Variants in SLC35F4 observed in about 807,000 individuals in gnomAD.
SLC35F4 encodes solute carrier family 35 member F4, also known as chromosome 14 open reading frame 36.
A neutral mutation model predicts 44.2 loss-of-function variants in SLC35F4; 24 were observed. The ratio of observed to expected loss-of-function variants is 0.54; its 90% CI spans 0.39 to 0.76. SLC35F4 has a LOEUF of 0.76. Among genes scored for constraint, SLC35F4 ranks in the 30% least tolerant of loss-of-function variants. The pLI is 0.00. For missense variants in SLC35F4, 562 were observed against 586.1 expected (o/e 0.96, Z 0.42); for synonymous variants, 238 against 223.6 (o/e 1.06, Z -0.57).
chr14:57,785,777 G>A (rs941818599), intron 1 of SLC35F4, among the ~76,000 whole-genome samples: 3 of 152,184 alleles, frequency 2.0e-5, no homozygotes, highest in East Asian at 3.9e-4. Flanking sequence ...AGCTTTCTGG[G>A]TCCCCTGGCA....
At chr14:57,958,535 A>G (rs1890284288) in intron 1 of SLC35F4, among the ~76,000 whole-genome samples, 1 of 149,482 alleles carries the variant, frequency 6.7e-6, no homozygotes, top group Non-Finnish European at 1.5e-5. Flanking sequence ...GTGGATACAG[A>G]GTTTCTTTCT....
chr14:57,837,609 A>G (rs1053206922), intron 1 of SLC35F4: 2 of 152,062 alleles, frequency 1.3e-5, no homozygotes, highest in African/African-American at 2.4e-5. Flanking sequence ...GCTGAATAGA[A>G]CCTTGCTATC....
chr14:57,861,748 T>G (rs1887698710), intron 1 of SLC35F4, among the ~76,000 whole-genome samples: 1 of 152,222 alleles, frequency 6.6e-6, no homozygotes. Flanking sequence ...CTTTATTTAC[T>G]GGCTTCCAGG....
chr14:57,914,715 A>T (rs1889283231), intron 1 of SLC35F4, among the ~76,000 whole-genome samples: 1 of 152,224 alleles, frequency 6.6e-6, no homozygotes. Flanking sequence ...AAGCTAGAGA[A>T]TAATCTCCTT....
At chr14:57,637,715 A>T (rs79125565) in intron 1 of SLC35F4, among the ~76,000 whole-genome samples, 328 of 152,234 alleles carry the variant, frequency 2.2e-3, no homozygotes, top group African/African-American at 7.3e-3. Context: ...TGTAATACAA[A>T]CATTATTACA....
rs542282511 is a variant in SLC35F4, at chr14:57,784,027, G to C, written c.103+81696C>G. Among the ~76,000 whole-genome samples, 14 of 152,318 alleles carry C rather than the reference G, an allele frequency of 9.2e-5. No individual in the cohort carries two copies. The South Asian group carries it at 1.7e-3, about 18-fold the overall frequency. ...GAAAAAACTGTCTGATGTTTTGTATGACTTCACAGGATTTATGACAGAGCT... is the reference window on the plus strand; with the variant it reads ...GAAAAAACTGTCTGATGTTTTGTATCACTTCACAGGATTTATGACAGAGCT... On this transcript the variant is annotated intron_variant, in intron 1 of 7. Transcript: ENST00000556826.
intron 1 of SLC35F4, among the ~76,000 whole-genome samples, chr14:57,615,607 C>T (rs982899484): frequency 2.0e-5 from 3 of 151,748 alleles, no homozygotes; most frequent in Non-Finnish European, 4.4e-5. Context: ...TGGAGCTTTT[C>T]TGACATTTTC....
chr14:57,668,014 A>G (rs2074376703), intron 1 of SLC35F4, among the ~76,000 whole-genome samples: 1 of 145,958 alleles, frequency 6.9e-6, no homozygotes, highest in African/African-American at 2.6e-5. Context: ...TGACTTTTTA[A>G]TGATTGCCAT....
chr14:57,912,382 A>G (rs1889232008), intron 1 of SLC35F4, among the ~76,000 whole-genome samples: 1 of 150,706 alleles, frequency 6.6e-6, no homozygotes. Context: ...TTTTTAATAT[A>G]AGCAACTCAA....
At chr14:57,794,762 G>A (rs1169362651) in intron 1 of SLC35F4, among the ~76,000 whole-genome samples, 2 of 151,902 alleles carry the variant, frequency 1.3e-5, no homozygotes, top group African/African-American at 4.8e-5. Context: ...TAAATGCTAT[G>A]ACTGTAGTAC....
At chr14:57,692,393 A>G (rs1463380870) in intron 1 of SLC35F4, among the ~76,000 whole-genome samples, 3 of 152,084 alleles carry the variant, frequency 2.0e-5, no homozygotes, top group Non-Finnish European at 4.4e-5. Flanking sequence ...CTAATAGTCT[A>G]TTGATTTTTA....
chr14:57,793,495 A>G (rs2077979307), intron 1 of SLC35F4, among the ~76,000 whole-genome samples: 1 of 152,054 alleles, frequency 6.6e-6, no homozygotes. Flanking sequence ...AACATTTGGT[A>G]TTTGGTTTTC....
At chr14:57,720,116 G>C (rs912210542) in intron 1 of SLC35F4, among the ~76,000 whole-genome samples, 1 of 152,112 alleles carries the variant, frequency 6.6e-6, no homozygotes, top group East Asian at 1.9e-4. Context: ...CACATTGTTT[G>C]AGTTGCATAT....
chr14:57,665,259 C>T (rs1594747222), intron 1 of SLC35F4, among the ~76,000 whole-genome samples: 1 of 152,214 alleles, frequency 6.6e-6, no homozygotes, highest in African/African-American at 2.4e-5. Flanking sequence ...CTTACCCAGA[C>T]TCCGCCCATC....
At position 57,639,859 on chromosome 14, in the gene SLC35F4, C is replaced by T. The variant is rs186709057; in HGVS notation, c.104-45735G>A. ...GATATTTGGAGTAATAAAGGGAAAA[C>T]ATGGGCTGATCTGTCCAGGATAACC... On this transcript the variant is annotated intron_variant, in intron 1 of 7. Transcript: ENST00000556826. Among the ~76,000 whole-genome samples, 12 of 152,050 alleles carry T rather than the reference C, an allele frequency of 7.9e-5. No homozygotes were observed. In the East Asian group the frequency reaches 2.3e-3, roughly 30 times the overall value.
intron 1 of SLC35F4, among the ~76,000 whole-genome samples, chr14:57,615,625 A>C (rs908673178): frequency 2.0e-5 from 3 of 151,768 alleles, no homozygotes; most frequent in African/African-American, 7.3e-5. Context: ...TTCTTTGAAA[A>C]AAAATACTGC....
chr14:57,913,538 A>G (rs956299825), intron 1 of SLC35F4, among the ~76,000 whole-genome samples: 5 of 152,168 alleles, frequency 3.3e-5, no homozygotes, highest in Non-Finnish European at 7.4e-5. Context: ...TTACAGGTTT[A>G]GTATTTGAGA....
At chr14:57,634,419 T>G (rs1050997108) in intron 1 of SLC35F4, among the ~76,000 whole-genome samples, 2 of 152,120 alleles carry the variant, frequency 1.3e-5, no homozygotes, top group South Asian at 4.1e-4. Flanking sequence ...GTAAACACAT[T>G]TGGGCAAGAT....
chr14:57,905,213 C>T (rs1489411607), intron 1 of SLC35F4, among the ~76,000 whole-genome samples: 6 of 152,150 alleles, frequency 3.9e-5, no homozygotes, highest in Non-Finnish European at 7.3e-5. Context: ...TGCTGGCTGT[C>T]GGCAGCAGGC....
Sources: allele counts gnomAD v4.1 joint callset (sites outside exome capture counted in the v4.1 genomes callset), GRCh38; gene constraint gnomAD v4.1.1; transcripts MANE v1.5; gene names NCBI Gene and HGNC (gene_info 2026-07-23, HGNC 2026-07-21).